Variants in KCNS3 observed in about 807,000 individuals in gnomAD.
The protein encoded by KCNS3 is delayed-rectifier potassium channel regulatory subunit KCNS3.
In KCNS3, 13 loss-of-function variants were observed where a neutral mutation model predicts 31.0. The ratio of observed to expected loss-of-function variants is 0.42; its 90% CI spans 0.27 to 0.67. The LOEUF (loss-of-function observed/expected upper bound fraction) is 0.67. KCNS3 is among the 30% of genes least tolerant of loss of function. The pLI, the probability that KCNS3 is intolerant of heterozygous loss-of-function variation, is 0.25. For synonymous variants in KCNS3, 238 were observed against 241.5 expected (o/e 0.99, Z 0.13); for missense variants, 545 against 622.4 (o/e 0.88, Z 1.32).
chr2:17,906,415 C>G (rs1418777768), intron 1 of KCNS3, among the ~76,000 whole-genome samples: 25 of 152,074 alleles, frequency 1.6e-4, no homozygotes, highest in Non-Finnish European at 2.9e-4. Context: ...AAACCAGCTC[C>G]TGGATTCATT....
At chr2:17,886,221 C>T (rs1486039289) in intron 1 of KCNS3, among the ~76,000 whole-genome samples, 3 of 152,148 alleles carry the variant, frequency 2.0e-5, no homozygotes, top group Non-Finnish European at 4.4e-5. Context: ...TACTTTTATT[C>T]TGCTATGCAC....
chr2:17,906,032 A>T (rs1436908601), intron 1 of KCNS3, among the ~76,000 whole-genome samples: 2 of 152,186 alleles, frequency 1.3e-5, no homozygotes, highest in African/African-American at 4.8e-5. Context: ...TTTCAGAAGG[A>T]ATGGTACCAG....
intron 1 of KCNS3, among the ~76,000 whole-genome samples, chr2:17,889,810 T>C (rs1361465942): frequency 1.3e-5 from 2 of 152,182 alleles, no homozygotes; most frequent in Non-Finnish European, 2.9e-5. Context: ...CTTTTTTATG[T>C]TGTTGGATTC....
intron 1 of KCNS3, among the ~76,000 whole-genome samples, chr2:17,885,883 C>A (rs1661644128): frequency 6.6e-6 from 1 of 152,082 alleles, no homozygotes; most frequent in African/African-American, 2.4e-5. Context: ...AATATACTGG[C>A]CTAAACATCA....
chr2:17,930,288 C>T (rs762301807), intron 2 of KCNS3, among the ~76,000 whole-genome samples: 9 of 152,124 alleles, frequency 5.9e-5, no homozygotes, highest in East Asian at 5.8e-4. Context: ...GAAACACCAT[C>T]CCATGAAGTG....
chr2:17,932,493 G>A lies in KCNS3; in HGVS notation c.*9G>A, dbSNP rs765042921. On this transcript the variant is annotated 3_prime_UTR_variant, in exon 3 of 3. Coordinates refer to ENST00000304101, the MANE Select transcript of KCNS3 (RefSeq NM_002252.5). ...ATTGCACAGCAAAATGAGCGGGGGT[G>A]TTTGTGCCTGTTTCTCTTATCCTTT... 3 of 1,595,190 alleles carry A rather than the reference G, an allele frequency of 1.9e-6. No individual in the cohort carries two copies. Among genetic ancestry groups the A allele is most frequent in the East Asian group, 4.5e-5 (2 of 44,784 alleles).
At chr2:17,921,911 GTGTGTATATATATATATATA>G (rs1455202740) in intron 2 of KCNS3, among the ~76,000 whole-genome samples, 22 of 100,446 alleles carry the variant, frequency 2.2e-4, no homozygotes, top group South Asian at 5.8e-4. Flanking sequence ...ATGTGTGTGT[GTGTGTATATATATATATATA>G]TATATATATA....
chr2:17,925,148 G>A (rs747496822), intron 2 of KCNS3, among the ~76,000 whole-genome samples: 78 of 152,172 alleles, frequency 5.1e-4, no homozygotes, highest in South Asian at 1.0e-3. Context: ...CTAGGCCAAC[G>A]TCATTCCCAA....
At chr2:17,929,348 C>T (rs1325695542) in intron 2 of KCNS3, among the ~76,000 whole-genome samples, 4 of 152,122 alleles carry the variant, frequency 2.6e-5, no homozygotes, top group Non-Finnish European at 5.9e-5. Flanking sequence ...GTCCTGGCAG[C>T]AGGTGAAAGG....
intron 1 of KCNS3, among the ~76,000 whole-genome samples, chr2:17,884,515 G>A (rs771238333): frequency 2.0e-5 from 3 of 151,902 alleles, no homozygotes; most frequent in Admixed American, 6.6e-5. Flanking sequence ...CAGAAGCCTC[G>A]TTTGGAGGTG....
At chr2:17,903,943 C>A (rs753784247) in intron 1 of KCNS3, among the ~76,000 whole-genome samples, 1 of 152,152 alleles carries the variant, frequency 6.6e-6, no homozygotes, top group African/African-American at 2.4e-5. Context: ...TTTATAGCAG[C>A]ATGATTTATA....
intron 1 of KCNS3, among the ~76,000 whole-genome samples, chr2:17,882,348 G>C (rs1389859864): frequency 3.9e-5 from 6 of 152,228 alleles, no homozygotes; most frequent in African/African-American, 1.4e-4. Flanking sequence ...GAGCAACTGA[G>C]AGTTATAAGC....
At chr2:17,888,629 GTATATATA>G (rs70964021) in intron 1 of KCNS3, among the ~76,000 whole-genome samples, 3,180 of 92,304 alleles carry the variant, frequency 0.034, 74 homozygotes, top group Non-Finnish European at 0.038. Flanking sequence ...TAAAAAAAAT[GTATATATA>G]TATATATATA....
chr2:17,896,971 G>T (rs1662043202), intron 1 of KCNS3, among the ~76,000 whole-genome samples: 1 of 152,090 alleles, frequency 6.6e-6, no homozygotes, highest in Non-Finnish European at 1.5e-5. Context: ...GAGGTTTGGG[G>T]TATGATGGGA....
intron 1 of KCNS3, among the ~76,000 whole-genome samples, chr2:17,901,881 A>C (rs1331579583): frequency 2.6e-5 from 4 of 152,208 alleles, no homozygotes; most frequent in Non-Finnish European, 5.9e-5. Context: ...ATACCCACAG[A>C]TAAGGGACAA....
intron 1 of KCNS3, among the ~76,000 whole-genome samples, chr2:17,904,891 C>A (rs1473068776): frequency 6.6e-6 from 1 of 152,062 alleles, no homozygotes; most frequent in South Asian, 2.1e-4. Context: ...AGTCAGGTAG[C>A]GTGATGCCTC....
At chr2:17,878,646 A>C (rs1229366202), upstream of KCNS3, 1 of 148,298 alleles carries the variant, frequency 6.7e-6, no homozygotes, top group Non-Finnish European at 1.5e-5. Context: ...GCCTCGCTCT[A>C]GCGGGGCGGG....
intron 1 of KCNS3, among the ~76,000 whole-genome samples, chr2:17,886,226 A>G (rs1350881): frequency 0.88 from 133,648 of 152,234 alleles, 58,713 homozygotes; most frequent in East Asian, 0.98. Flanking sequence ...TTATTCTGCT[A>G]TGCACTGGAT....
chr2:17,882,079 T>C (rs576880475), intron 1 of KCNS3, among the ~76,000 whole-genome samples: 1 of 152,300 alleles, frequency 6.6e-6, no homozygotes. Flanking sequence ...AATCAACCAG[T>C]GACCAATTCA....
Sources: gnomAD v4.1 joint callset for allele counts (sites outside exome capture counted in the v4.1 genomes callset) on GRCh38, gnomAD v4.1.1 for gene constraint, MANE v1.5 for transcripts, NCBI Gene and HGNC (gene_info 2026-07-23, HGNC 2026-07-21) for gene names.